Variants in BIN1 observed in about 807,000 individuals in gnomAD.
The protein encoded by BIN1 is bridging integrator 1.
A neutral mutation model predicts 82.0 loss-of-function variants in BIN1; 53 were observed. The ratio of observed to expected loss-of-function variants is 0.65; its 90% CI spans 0.52 to 0.81. BIN1 has a LOEUF of 0.81. Among genes scored for constraint, BIN1 ranks in the 40% least tolerant of loss-of-function variants. The pLI is 0.00. For synonymous variants in BIN1, 302 were observed against 328.0 expected (o/e 0.92, Z 0.86); for missense variants, 642 against 784.4 (o/e 0.82, Z 2.17).
chr2:127,098,271 G>C (rs529762015), intron 1 of BIN1, among the ~76,000 whole-genome samples: 2 of 152,282 alleles, frequency 1.3e-5, no homozygotes, highest in East Asian at 1.9e-4. Context: ...GGAACGGAAG[G>C]CCTGAGCTCC....
Position 127,062,805 on chromosome 2 carries a change from G to A in BIN1, c.775-608C>T, listed in dbSNP as rs115255114. On this transcript the variant is annotated intron_variant, in intron 9 of 18. Transcript: ENST00000316724. ...CCTTTCTCTATTTTTTAAACTTTTC[G>A]TAAGTTGTCTCCAATCTTCGAAGGG... 9.2e-5 allele frequency among the ~76,000 whole-genome samples: 14 copies of A among 152,118 alleles called. No homozygotes were observed. In the East Asian group the frequency reaches 9.6e-4, roughly 10 times the overall value.
chr2:127,076,515 C>T, intron 2 of BIN1, 111 bp downstream of exon 2: 1 of 1,256,570 alleles, frequency 8.0e-7, no homozygotes, highest in Non-Finnish European at 1.2e-6. Context: ...TCAGCCCACA[C>T]TGATTACCCT....
chr2:127,083,189 G>A (rs901759737), intron 1 of BIN1, among the ~76,000 whole-genome samples: 2 of 150,370 alleles, frequency 1.3e-5, no homozygotes, highest in African/African-American at 4.9e-5. Flanking sequence ...GAGCTTAAAC[G>A]ATCCGCCCAC....
In BIN1 at chr2:127,048,280, G is replaced by A. The variant is rs567164779; in HGVS notation, c.*246C>T. 31 of 502,588 alleles carry A rather than the reference G, an allele frequency of 6.2e-5. No homozygotes were observed. The highest frequency in any genetic ancestry group is 9.4e-5 in the Non-Finnish European group (26 of 276,240). The allele number at this position is 502,588 out of a possible 1,614,324, so 31.1% of individuals were successfully genotyped here. A position where few individuals can be genotyped will look rare whatever the true frequency, so the allele number is the denominator to read the frequency against. ...CACACATGCGGGCACAGGCAGGGGC[G>A]CCAGAAACTCAACTAGAGGACACAG... is the stretch of plus-strand genomic sequence containing the variant. On this transcript the variant is annotated 3_prime_UTR_variant, in exon 19 of 19. Coordinates refer to ENST00000316724, the MANE Select transcript of BIN1 (RefSeq NM_139343.3).
Position 127,048,481 on chromosome 2 carries a change from GA to G in BIN1, c.*44del. The G allele has an allele frequency of 1.3e-6, 2 of 1,542,180 alleles. No homozygotes were observed. The highest frequency in any genetic ancestry group is 1.8e-6 in the Non-Finnish European group (2 of 1,116,234). On this transcript the variant is annotated 3_prime_UTR_variant, in exon 19 of 19. Coordinates refer to ENST00000316724, the MANE Select transcript of BIN1 (RefSeq NM_139343.3). ...AAAAAAAGAACCACACATTTTTCGG[GA>G]GGAGGTGTTCTTCACACGCCCGGAG...
At chr2:127,053,392 G>C in intron 14 of BIN1, 30 bp downstream of exon 14, 1 of 1,613,738 alleles carries the variant, frequency 6.2e-7, no homozygotes, top group Non-Finnish European at 8.5e-7. Flanking sequence ...CTCCCCCAGG[G>C]GCTGGACAAA....
intron 18 of BIN1, among the ~76,000 whole-genome samples, chr2:127,048,859 G>A (rs535117357): frequency 1.2e-4 from 19 of 152,368 alleles, no homozygotes; most frequent in African/African-American, 3.8e-4. Context: ...GTCCGCAGGT[G>A]GATCTAACCA....
At position 127,070,076 on chromosome 2, in the gene BIN1, C is replaced by T. The variant is rs746946704; in HGVS notation, c.330G>A (p.Leu110=). The T allele has an allele frequency of 1.9e-6, 3 of 1,613,968 alleles. No homozygotes were observed. The highest frequency in any genetic ancestry group is 2.5e-6 in the Non-Finnish European group (3 of 1,180,000). ...CCAGCTTCTGGTGGTAATCCATCCA[C>T]AGCAGGTCGTTGTTCTGAGACAGGC... ...ANKIAENNDL[L]WMDYHQKLVD... The change falls in exon 5 of 19, where the codon CTG becomes CTA. Residue 110 remains leucine (L), a synonymous_variant. Transcript: ENST00000316724.
intron 11 of BIN1, 100 bp downstream of exon 11, chr2:127,058,911 G>A: frequency 6.7e-7 from 1 of 1,503,308 alleles, no homozygotes; most frequent in Non-Finnish European, 9.0e-7. Context: ...AGCTGCCCAG[G>A]CCAGAAAGGG....
chr2:127,104,037 G>C (rs1453178843), intron 1 of BIN1, among the ~76,000 whole-genome samples: 1 of 152,184 alleles, frequency 6.6e-6, no homozygotes, highest in African/African-American at 2.4e-5. Flanking sequence ...GGACCTTCAA[G>C]AAAAAGCTCC....
At chr2:127,061,636 G>A (rs1466658467) in intron 10 of BIN1, among the ~76,000 whole-genome samples, 1 of 152,238 alleles carries the variant, frequency 6.6e-6, no homozygotes, top group Non-Finnish European at 1.5e-5. Context: ...CGGAGGGGCT[G>A]AGGCTGAGGA....
At chr2:127,058,903 C>T in intron 11 of BIN1, 108 bp downstream of exon 11, 1 of 1,481,556 alleles carries the variant, frequency 6.7e-7, no homozygotes. Context: ...GGGTCCATAG[C>T]TGCCCAGGCC....
chr2:127,048,455 A>T lies in BIN1; in HGVS notation c.*71T>A, dbSNP rs1682446996. On this transcript the variant is annotated 3_prime_UTR_variant, in exon 19 of 19. Transcript: ENST00000316724. ...AAAAGATGAAAAACGAAAACAAAAC[A>T]AAAAAAAGAACCACACATTTTTCGG... The T allele has an allele frequency of 7.0e-7, 1 of 1,419,254 alleles. No homozygotes were observed. The highest frequency in any genetic ancestry group is 1.4e-5 in the African/African-American group (1 of 70,376). 87.9% of individuals were successfully genotyped at this position (1,419,254 alleles called of 1,614,324 possible).
At chr2:127,070,156 C>G (rs1484561034) in intron 4 of BIN1, 66 bp from the exon 5 acceptor site, 4 of 1,335,986 alleles carry the variant, frequency 3.0e-6, no homozygotes, top group Non-Finnish European at 3.2e-6. Context: ...CAGCGCTCAC[C>G]TCGCAGGGAC....
At chr2:127,075,325 C>A (rs1283373223) in intron 2 of BIN1, among the ~76,000 whole-genome samples, 2 of 152,218 alleles carry the variant, frequency 1.3e-5, no homozygotes, top group African/African-American at 4.8e-5. Flanking sequence ...GAGCAACCCA[C>A]AGCCTGATGA....
chr2:127,074,903 A>T (rs923157786), intron 2 of BIN1, among the ~76,000 whole-genome samples: 2 of 152,166 alleles, frequency 1.3e-5, no homozygotes, highest in East Asian at 3.9e-4. Context: ...GGGTTTCACC[A>T]TATTGGCCAG....
Position 127,057,343 on chromosome 2 carries a change from A to T in BIN1, c.1131+130T>A. On this transcript the variant is annotated intron_variant, in intron 12 of 18. Coordinates refer to ENST00000316724, the MANE Select transcript of BIN1 (RefSeq NM_139343.3). The surrounding 1 kb of genome is among the most constrained non-coding windows in gnomAD (Gnocchi z 5.0). ...TGATGGATGGAGGGAACAAAGGGTGAGAGAGGGAAACTGACACTCTCTCTG... is the reference window on the plus strand; with the variant it reads ...TGATGGATGGAGGGAACAAAGGGTGTGAGAGGGAAACTGACACTCTCTCTG... The T allele has an allele frequency of 8.0e-7, 1 of 1,250,014 alleles. No individual in the cohort carries two copies. The highest frequency in any genetic ancestry group is 1.1e-6 in the Non-Finnish European group (1 of 941,314). The allele number at this position is 1,250,014 out of a possible 1,614,324, so 77.4% of individuals were successfully genotyped here. A position where few individuals can be genotyped will look rare whatever the true frequency, so the allele number is the denominator to read the frequency against.
In BIN1 at chr2:127,048,386, G is replaced by A. The variant is rs1218747443; in HGVS notation, c.*140C>T. 5 of 770,410 alleles carry A rather than the reference G, an allele frequency of 6.5e-6. No individual in the cohort carries two copies. Among genetic ancestry groups the A allele is most frequent in the African/African-American group, 3.5e-5 (2 of 57,202 alleles). The allele number at this position is 770,410 out of a possible 1,614,324, so 47.7% of individuals were successfully genotyped here. On this transcript the variant is annotated 3_prime_UTR_variant, in exon 19 of 19. Transcript: ENST00000316724. ...AAAACGACCTAATCTTTGGGAGAAC[G>A]CCCCTCTGCCTGGGGGTCTCCTCTT...
chr2:127,077,898 CG>C (rs1341150421), intron 1 of BIN1, among the ~76,000 whole-genome samples: 1 of 152,082 alleles, frequency 6.6e-6, no homozygotes, highest in African/African-American at 2.4e-5. Flanking sequence ...GAGAAGGAAA[CG>C]GGGGTAGGGG....
Sources: gnomAD v4.1 joint callset for allele counts (sites outside exome capture counted in the v4.1 genomes callset) on GRCh38, gnomAD v4.1.1 for gene constraint, Gnocchi (gnomAD v3.1) non-coding constraint, MANE v1.5 for transcripts, NCBI Gene and HGNC (gene_info 2026-07-23, HGNC 2026-07-21) for gene names.